PRELID2: variants seen among roughly 807,000 people sequenced by gnomAD.
PRELID2 encodes PRELI domain-containing protein 2.
In PRELID2, 25 loss-of-function variants were observed where a neutral mutation model predicts 28.4. That is an observed-to-expected ratio of 0.88 (90% CI 0.64 to 1.23). PRELID2 has a LOEUF of 1.23. PRELID2 is among the 50% of genes most tolerant of loss of function. The pLI is 0.00. For missense variants in PRELID2, 201 were observed against 214.4 expected, an observed-to-expected ratio of 0.94 and a Z score of 0.39; for synonymous variants, 76 against 71.6, an observed-to-expected ratio of 1.06 and a Z score of -0.31.
At chr5:145,696,376 C>T (rs895149683) in intron 1 of PRELID2, among the ~76,000 whole-genome samples, 2 of 151,982 alleles carry the variant, frequency 1.3e-5, no homozygotes, top group Non-Finnish European at 2.9e-5. Flanking sequence ...GCACATATAC[C>T]TCAGAGACAC....
the PRELID2 span, among the ~76,000 whole-genome samples, chr5:145,361,132 T>A: frequency 6.6e-6 from 1 of 152,236 alleles, no homozygotes; most frequent in Non-Finnish European, 1.5e-5. Flanking sequence ...TTGAGTTATC[T>A]TTCTTACATT....
chr5:145,752,967 A>G (rs545517718), downstream of PRELID2, among the ~76,000 whole-genome samples: 37 of 152,376 alleles, frequency 2.4e-4, no homozygotes, highest in Middle Eastern at 3.4e-3. Context: ...CAGTGCAGTA[A>G]TTTTAAAGTT....
the PRELID2 span, among the ~76,000 whole-genome samples, chr5:145,384,975 C>T: frequency 6.6e-6 from 1 of 152,086 alleles, no homozygotes; most frequent in Non-Finnish European, 1.5e-5. Context: ...GGGACAAATA[C>T]ACAAACTATA....
the PRELID2 span, among the ~76,000 whole-genome samples, chr5:145,333,403 A>G: frequency 0.27 from 40,860 of 152,040 alleles, 5,633 homozygotes; most frequent in South Asian, 0.33. Context: ...CTGTCCCTGA[A>G]AGATGGGAGT....
At chr5:145,482,695 T>C (rs1262658054) in intron 1 of PRELID2, among the ~76,000 whole-genome samples, 2 of 151,994 alleles carry the variant, frequency 1.3e-5, no homozygotes, top group Non-Finnish European at 2.9e-5. Flanking sequence ...CACTGTAAGC[T>C]ATTATGAAAT....
At chr5:145,468,592 T>G (rs1752024387), downstream of PRELID2, among the ~76,000 whole-genome samples, 1 of 152,210 alleles carries the variant, frequency 6.6e-6, no homozygotes, top group African/African-American at 2.4e-5. Context: ...GTTTCCTGAC[T>G]TTTTAATGAT....
the PRELID2 span, among the ~76,000 whole-genome samples, chr5:145,280,783 T>C: frequency 6.9e-6 from 1 of 145,718 alleles, no homozygotes; most frequent in Non-Finnish European, 1.5e-5. Context: ...CTTTTAGTAA[T>C]GTGGTGCAGA....
chr5:145,506,869 C>T (rs1752416973), intron 1 of PRELID2, among the ~76,000 whole-genome samples: 1 of 152,204 alleles, frequency 6.6e-6, no homozygotes, highest in Non-Finnish European at 1.5e-5. Context: ...GAGAGGCCCT[C>T]TATGACCACC....
At chr5:145,338,886 GA>G in the PRELID2 span, among the ~76,000 whole-genome samples, 1 of 152,188 alleles carries the variant, frequency 6.6e-6, no homozygotes, top group African/African-American at 2.4e-5. Context: ...CAGTATATGT[GA>G]ATCAAGGTGA....
At chr5:145,487,537 G>T (rs1752229020) in intron 1 of PRELID2, among the ~76,000 whole-genome samples, 1 of 152,120 alleles carries the variant, frequency 6.6e-6, no homozygotes, top group Non-Finnish European at 1.5e-5. Flanking sequence ...CTTGAGGAAG[G>T]GTTGGCTGGA....
the PRELID2 span, chr5:145,338,451 A>G: frequency 1.3e-5 from 2 of 152,220 alleles, no homozygotes; most frequent in South Asian, 4.1e-4. Context: ...GATGCATGCA[A>G]GTTCATCAGA....
the PRELID2 span, among the ~76,000 whole-genome samples, chr5:145,320,048 A>T: frequency 6.6e-6 from 1 of 152,206 alleles, no homozygotes; most frequent in Non-Finnish European, 1.5e-5. Flanking sequence ...AACCATTTGG[A>T]TATTTAGAAG....
At chr5:145,640,569 G>A (rs1033170806) in intron 1 of PRELID2, among the ~76,000 whole-genome samples, 2 of 150,564 alleles carry the variant, frequency 1.3e-5, no homozygotes, top group Admixed American at 6.6e-5. Flanking sequence ...GTGTGAACCC[G>A]GGAGGCGGAG....
chr5:145,343,319 A>G, the PRELID2 span, among the ~76,000 whole-genome samples: 1 of 152,000 alleles, frequency 6.6e-6, no homozygotes, highest in Non-Finnish European at 1.5e-5. Context: ...TATTATATCA[A>G]GTATTTTCTC....
chr5:145,416,436 G>C, the PRELID2 span, among the ~76,000 whole-genome samples: 256 of 152,018 alleles, frequency 1.7e-3, 4 homozygotes, highest in East Asian at 0.039. Flanking sequence ...TTAAACTAAA[G>C]AGCTTCTGCA....
intron 1 of PRELID2, among the ~76,000 whole-genome samples, chr5:145,647,503 C>T (rs959090284): frequency 6.6e-6 from 1 of 152,192 alleles, no homozygotes; most frequent in African/African-American, 2.4e-5. Flanking sequence ...GGGTCCCTGG[C>T]TTCAGCCCCC....
At chr5:145,497,228 G>A (rs1006163905) in intron 1 of PRELID2, among the ~76,000 whole-genome samples, 7 of 152,038 alleles carry the variant, frequency 4.6e-5, no homozygotes, top group South Asian at 4.1e-4. Flanking sequence ...AGGGGATTCC[G>A]TTCCAGTCAT....
chr5:145,427,421 C>G, the PRELID2 span, among the ~76,000 whole-genome samples: 1 of 152,114 alleles, frequency 6.6e-6, no homozygotes, highest in Non-Finnish European at 1.5e-5. Flanking sequence ...TTTTTTTATT[C>G]AGACAAGAAT....
the PRELID2 span, among the ~76,000 whole-genome samples, chr5:145,294,232 A>G: frequency 6.6e-6 from 1 of 152,138 alleles, no homozygotes; most frequent in South Asian, 2.1e-4. Context: ...AATACATTTC[A>G]TTATTATTAT....
Sources: gnomAD v4.1 joint callset for allele counts (sites outside exome capture counted in the v4.1 genomes callset) on GRCh38, gnomAD v4.1.1 for gene constraint, MANE v1.5 for transcripts, NCBI Gene and HGNC (gene_info 2026-07-23, HGNC 2026-07-21) for gene names.